The following XKR9 variants were observed in gnomAD, a reference collection of about 807,000 sequenced individuals.
XKR9 encodes the protein XK-related protein 9.
In XKR9, 32 loss-of-function variants were observed where a neutral mutation model predicts 32.0. The observed-to-expected ratio is 1.00, with a 90% CI of 0.76 to 1.34. XKR9 has a LOEUF of 1.34. XKR9 is among the 40% of genes most tolerant of loss of function. The probability of loss-of-function intolerance (pLI) is 0.00; values close to 1 mark genes in which losing one functional copy is unlikely to be tolerated. For synonymous variants in XKR9, 168 were observed against 143.4 expected, an observed-to-expected ratio of 1.17 and a Z score of -1.22; for missense variants, 546 against 429.7, an observed-to-expected ratio of 1.27 and a Z score of -2.39.
the XKR9 span, among the ~76,000 whole-genome samples, chr8:70,878,610 C>G: frequency 1.3e-5 from 2 of 152,108 alleles, no homozygotes; most frequent in Admixed American, 1.3e-4. Flanking sequence ...GCTAACTATC[C>G]TAAATATATA....
At chr8:70,728,068 G>C (rs1806535314) in intron 4 of XKR9, among the ~76,000 whole-genome samples, 1 of 152,236 alleles carries the variant, frequency 6.6e-6, no homozygotes, top group Non-Finnish European at 1.5e-5. Flanking sequence ...TTTGGGAAAG[G>C]CCTGTTATCT....
the XKR9 span, among the ~76,000 whole-genome samples, chr8:71,032,306 A>ATC: frequency 6.8e-6 from 1 of 146,752 alleles, no homozygotes; most frequent in Admixed American, 6.8e-5. Flanking sequence ...AAAAAAAAAA[A>ATC]AACCACTTTG....
the XKR9 span, among the ~76,000 whole-genome samples, chr8:70,902,139 C>T: frequency 1.3e-5 from 2 of 152,114 alleles, no homozygotes; most frequent in Non-Finnish European, 2.9e-5. Flanking sequence ...TATGTGGGCT[C>T]TTTTTTGGTT....
intron 4 of XKR9, among the ~76,000 whole-genome samples, chr8:70,718,772 C>T (rs997771992): frequency 6.6e-6 from 1 of 152,130 alleles, no homozygotes; most frequent in South Asian, 2.1e-4. Context: ...AATAGTGCTG[C>T]AATAAACATA....
the XKR9 span, among the ~76,000 whole-genome samples, chr8:70,952,862 T>A: frequency 6.6e-6 from 1 of 152,228 alleles, no homozygotes; most frequent in Non-Finnish European, 1.5e-5. Context: ...TGAGAACTCT[T>A]TGGTTACTGA....
intron 2 of XKR9, among the ~76,000 whole-genome samples, chr8:70,783,300 C>A (rs1268816135): frequency 6.6e-6 from 1 of 151,514 alleles, no homozygotes; most frequent in Non-Finnish European, 1.5e-5. Flanking sequence ...GATCTTGGCT[C>A]ACTGCAAGCT....
At chr8:70,988,050 C>T in the XKR9 span, among the ~76,000 whole-genome samples, 77 of 152,240 alleles carry the variant, frequency 5.1e-4, no homozygotes, top group Middle Eastern at 0.01. Context: ...CCCTAGGCTG[C>T]GCACAGCTTG....
chr8:71,025,916 A>G, the XKR9 span, among the ~76,000 whole-genome samples: 65,743 of 151,814 alleles, frequency 0.43, 15,265 homozygotes, highest in Non-Finnish European at 0.53. Context: ...ATTTCATTCC[A>G]TATCCTACAT....
the XKR9 span, among the ~76,000 whole-genome samples, chr8:70,908,006 CTT>C: frequency 6.6e-6 from 1 of 152,242 alleles, no homozygotes; most frequent in South Asian, 2.1e-4. Context: ...ATAATTTACT[CTT>C]AATTCGTTGA....
intron 3 of XKR9, among the ~76,000 whole-genome samples, chr8:70,684,588 T>A (rs1210553488): frequency 1.3e-5 from 2 of 151,988 alleles, no homozygotes; most frequent in Non-Finnish European, 2.9e-5. Context: ...GTCTTAATTT[T>A]AATTGATCTG....
chr8:70,727,514 C>T (rs1806513601), intron 4 of XKR9, among the ~76,000 whole-genome samples: 1 of 152,064 alleles, frequency 6.6e-6, no homozygotes, highest in Non-Finnish European at 1.5e-5. Flanking sequence ...GATTCTTCTT[C>T]CTCAGCCTCC....
chr8:70,764,550 T>C (rs868663394), intron 2 of XKR9, among the ~76,000 whole-genome samples: 2 of 152,332 alleles, frequency 1.3e-5, no homozygotes, highest in Middle Eastern at 3.4e-3. Flanking sequence ...TGACCAGATC[T>C]GCCTCTTCAT....
chr8:70,727,558 G>C (rs918320813), intron 4 of XKR9, among the ~76,000 whole-genome samples: 1 of 151,924 alleles, frequency 6.6e-6, no homozygotes, highest in Non-Finnish European at 1.5e-5. Flanking sequence ...ACACCACCAC[G>C]CCTGGCTAAT....
intron 4 of XKR9, among the ~76,000 whole-genome samples, chr8:70,711,516 A>G (rs1355274813): frequency 1.3e-5 from 2 of 152,200 alleles, no homozygotes; most frequent in African/African-American, 4.8e-5. Flanking sequence ...AAGTGAATTA[A>G]TGCAGGAACA....
chr8:70,798,869 T>A, the XKR9 span, among the ~76,000 whole-genome samples: 1 of 152,288 alleles, frequency 6.6e-6, no homozygotes, highest in South Asian at 2.1e-4. Context: ...GAGGTACAGC[T>A]TTATTTCTGA....
At chr8:70,971,986 G>T in the XKR9 span, among the ~76,000 whole-genome samples, 1 of 151,950 alleles carries the variant, frequency 6.6e-6, no homozygotes, top group Non-Finnish European at 1.5e-5. Flanking sequence ...GTTTTTTCTA[G>T]TTCTGTGAAG....
chr8:70,793,812 T>A (rs145359019), downstream of XKR9, among the ~76,000 whole-genome samples: 43 of 152,234 alleles, frequency 2.8e-4, no homozygotes, highest in African/African-American at 9.6e-4. Context: ...TCCCTTTTTT[T>A]TTCAAGATTT....
intron 2 of XKR9, among the ~76,000 whole-genome samples, chr8:70,743,716 G>T (rs1807019445): frequency 6.6e-6 from 1 of 152,002 alleles, no homozygotes; most frequent in African/African-American, 2.4e-5. Context: ...TTTTCTCCTA[G>T]ATTTTCCACC....
chr8:70,972,292 A>G, the XKR9 span, among the ~76,000 whole-genome samples: 10 of 152,280 alleles, frequency 6.6e-5, no homozygotes, highest in Admixed American at 1.3e-4. Context: ...TAGCAGAGCT[A>G]CTGATTTGTG....
Sources: gnomAD v4.1 joint callset for allele counts (sites outside exome capture counted in the v4.1 genomes callset) on GRCh38, gnomAD v4.1.1 for gene constraint, MANE v1.5 for transcripts, NCBI Gene and HGNC (gene_info 2026-07-23, HGNC 2026-07-21) for gene names.